LUZP2: variants seen among roughly 807,000 people sequenced by gnomAD.
The protein encoded by LUZP2 is leucine zipper protein 2.
LUZP2 carries 52 observed loss-of-function variants against 51.6 expected under a neutral mutation model. That is an observed-to-expected ratio of 1.01 (90% CI 0.81 to 1.27). LUZP2 has a LOEUF of 1.27. Ranked by LOEUF, LUZP2 falls within the 50% of genes most tolerant of loss-of-function variation. LUZP2 has a pLI of 0.00. For synonymous variants in LUZP2, 154 were observed against 137.3 expected, an observed-to-expected ratio of 1.12 and a Z score of -0.85; for missense variants, 436 against 395.4, an observed-to-expected ratio of 1.10 and a Z score of -0.87.
chr11:24,593,093 T>G (rs1853314353), intron 1 of LUZP2, among the ~76,000 whole-genome samples: 1 of 152,158 alleles, frequency 6.6e-6, no homozygotes, highest in Non-Finnish European at 1.5e-5. Flanking sequence ...TTTCTACACA[T>G]TAGGCCTTGA....
chr11:24,569,539 T>G (rs984834861), intron 1 of LUZP2, among the ~76,000 whole-genome samples: 3 of 152,058 alleles, frequency 2.0e-5, no homozygotes, highest in African/African-American at 7.2e-5. Context: ...TATACAATTC[T>G]CTTTCATCAG....
At chr11:24,709,922 T>TA (rs1857750457) in intron 1 of LUZP2, among the ~76,000 whole-genome samples, 1 of 152,192 alleles carries the variant, frequency 6.6e-6, no homozygotes, top group South Asian at 2.1e-4. Flanking sequence ...CTCAGCTGTT[T>TA]ATCAGATCCT....
rs569174578 is a variant in LUZP2, at chr11:24,824,182, G to A, written c.396+60874G>A. ...AGTTCGAGACCAGCCTGACCAACAT[G>A]GAGAAATCTCATCTCTACTAAATAT... On this transcript the variant is annotated intron_variant, in intron 5 of 11. Transcript: ENST00000336930. 2.0e-5 allele frequency among the ~76,000 whole-genome samples: 3 copies of A among 151,240 alleles called. No individual in the cohort carries two copies. The South Asian group carries it at 6.3e-4, about 32-fold the overall frequency.
At chr11:24,954,465 C>T (rs1160536018) in intron 7 of LUZP2, among the ~76,000 whole-genome samples, 1 of 152,028 alleles carries the variant, frequency 6.6e-6, no homozygotes, top group Non-Finnish European at 1.5e-5. Flanking sequence ...TCATCTGGCA[C>T]CCCTGGTCTG....
At chr11:24,521,316 A>C (rs1247563315) in intron 1 of LUZP2, among the ~76,000 whole-genome samples, 10 of 122,650 alleles carry the variant, frequency 8.2e-5, no homozygotes, top group Non-Finnish European at 4.7e-5. Context: ...ATGCCATTGC[A>C]CTTCAGCCTG....
intron 1 of LUZP2, among the ~76,000 whole-genome samples, chr11:24,638,433 G>A (rs942071067): frequency 1.3e-5 from 2 of 151,018 alleles, no homozygotes; most frequent in Non-Finnish European, 2.9e-5. Context: ...CAAATTCTAG[G>A]ACACTTTAAT....
intron 6 of LUZP2, 109 bp downstream of exon 6, chr11:24,906,162 G>A: frequency 1.8e-6 from 1 of 568,768 alleles, no homozygotes; most frequent in East Asian, 3.1e-5. Context: ...TAATACAAAT[G>A]CCAATTTTTA....
At chr11:24,576,107 C>A (rs1345513774) in intron 1 of LUZP2, among the ~76,000 whole-genome samples, 5 of 152,016 alleles carry the variant, frequency 3.3e-5, no homozygotes, top group African/African-American at 1.2e-4. Context: ...TCCTCTATTA[C>A]ATTTTTCTAA....
At chr11:24,587,422 G>A (rs763760984) in intron 1 of LUZP2, among the ~76,000 whole-genome samples, 1 of 152,074 alleles carries the variant, frequency 6.6e-6, no homozygotes, top group Non-Finnish European at 1.5e-5. Flanking sequence ...TGGGGGAGGG[G>A]TCAAGAAGCC....
rs1159579765 is a variant in LUZP2 at position 24,682,534 on chromosome 11, AGT to A, written c.63-46630_63-46629del. Among the ~76,000 whole-genome samples the A allele has an allele frequency of 1.1e-4, 16 of 142,164 alleles. 1 individual carries two copies. The highest frequency in any genetic ancestry group is 3.9e-4 in the African/African-American group (15 of 38,942). 93.3% of individuals were successfully genotyped at this position (142,164 alleles called of 152,430 possible). A position where few individuals can be genotyped will look rare whatever the true frequency, so the allele number is the denominator to read the frequency against. On this transcript the variant is annotated intron_variant, in intron 1 of 11. Transcript: ENST00000336930. Reference sequence around the variant, plus strand: ...GCAAAAATGCAAATTCAGTAGGTTCAGTGTGTATATGTATATATACACACTGA... The same window carrying A: ...GCAAAAATGCAAATTCAGTAGGTTCAGTGTATATGTATATATACACACTGA...
At chr11:24,970,128 A>G (rs1855702071) in intron 7 of LUZP2, among the ~76,000 whole-genome samples, 1 of 152,150 alleles carries the variant, frequency 6.6e-6, no homozygotes, top group Non-Finnish European at 1.5e-5. Context: ...ACTATCTTTG[A>G]TAATGAGAAT....
At chr11:24,689,215 T>A (rs1856990996) in intron 1 of LUZP2, among the ~76,000 whole-genome samples, 1 of 152,210 alleles carries the variant, frequency 6.6e-6, no homozygotes, top group Admixed American at 6.5e-5. Context: ...TTGGCATGGT[T>A]CCAAGGTTTG....
At chr11:25,028,910 G>A (rs867453283) in intron 9 of LUZP2, among the ~76,000 whole-genome samples, 10 of 151,842 alleles carry the variant, frequency 6.6e-5, no homozygotes, top group Non-Finnish European at 7.4e-5. Context: ...ACTATATTAG[G>A]CAAAAGGCAA....
At chr11:24,952,290 A>G (rs1233067398) in intron 7 of LUZP2, among the ~76,000 whole-genome samples, 2 of 151,818 alleles carry the variant, frequency 1.3e-5, no homozygotes, top group South Asian at 4.2e-4. Context: ...TTCAATTAAC[A>G]TTTTTTAGAG....
At chr11:24,679,707 C>A (rs549072156) in intron 1 of LUZP2, among the ~76,000 whole-genome samples, 5 of 152,128 alleles carry the variant, frequency 3.3e-5, no homozygotes, top group Admixed American at 3.3e-4. Context: ...AATCATGGGA[C>A]TTGTAAGAAA....
At chr11:25,025,772 A>T (rs1255274046) in intron 9 of LUZP2, among the ~76,000 whole-genome samples, 1 of 152,176 alleles carries the variant, frequency 6.6e-6, no homozygotes, top group Non-Finnish European at 1.5e-5. Flanking sequence ...GTAGCATTTG[A>T]CCCAGCCATC....
At chr11:25,012,683 C>A (rs985278656) in intron 9 of LUZP2, among the ~76,000 whole-genome samples, 3 of 151,962 alleles carry the variant, frequency 2.0e-5, no homozygotes, top group Non-Finnish European at 2.9e-5. Flanking sequence ...TCATCTTATC[C>A]CAGTCAGAAT....
At chr11:25,037,773 C>A (rs770980391) in intron 9 of LUZP2, among the ~76,000 whole-genome samples, 3 of 151,736 alleles carry the variant, frequency 2.0e-5, no homozygotes, top group Admixed American at 1.3e-4. Flanking sequence ...TTCATGAATG[C>A]TGAGTATAGG....
At chr11:25,009,512 A>G (rs1856924948) in intron 9 of LUZP2, among the ~76,000 whole-genome samples, 1 of 152,200 alleles carries the variant, frequency 6.6e-6, no homozygotes, top group African/African-American at 2.4e-5. Flanking sequence ...TTATCTAGTA[A>G]CTAAAGAAAA....
Sources: allele counts gnomAD v4.1 joint callset (sites outside exome capture counted in the v4.1 genomes callset), GRCh38; gene constraint gnomAD v4.1.1; transcripts MANE v1.5; gene names NCBI Gene and HGNC (gene_info 2026-07-23, HGNC 2026-07-21).